GMCL1: variants seen among roughly 807,000 people sequenced by gnomAD.
GMCL1 encodes the protein germ cell-less protein-like 1.
A neutral mutation model predicts 75.5 loss-of-function variants in GMCL1; 54 were observed. The observed-to-expected ratio is 0.71, with a 90% CI of 0.57 to 0.90. The LOEUF is 0.90. GMCL1 is among the 40% of genes least tolerant of loss of function. The pLI is 0.00. For missense variants in GMCL1, 537 were observed against 622.7 expected, an observed-to-expected ratio of 0.86 and a Z score of 1.47; for synonymous variants, 210 against 209.6, an observed-to-expected ratio of 1.00 and a Z score of -0.02.
Position 69,864,919 on chromosome 2 carries a change from GA to G in GMCL1, c.1164del (p.Glu389AsnfsTer2). ...TTTTAGGCCTCAAGAAATCAATAAAGAAGAACTAGAGGGAAACAGCATGAGG... is the reference window on the plus strand; with the variant it reads ...TTTTAGGCCTCAAGAAATCAATAAAGAGAACTAGAGGGAAACAGCATGAGG... ...SEVGPQEINK[E>X]ELEGNSMRCG... On this transcript the variant is annotated frameshift_variant, in exon 11 of 14. Coordinates refer to ENST00000282570, the MANE Select transcript of GMCL1 (RefSeq NM_178439.5). LOFTEE classifies it high-confidence loss of function. 6.2e-7 allele frequency: 1 copy of G among 1,612,014 alleles called. No homozygotes were observed. Among genetic ancestry groups the G allele is most frequent in the South Asian group, 1.1e-5 (1 of 90,916 alleles).
At chr2:69,861,468 A>G (rs1247646554) in intron 10 of GMCL1, 121 bp downstream of exon 10, 3 of 562,636 alleles carry the variant, frequency 5.3e-6, no homozygotes, top group African/African-American at 1.9e-5. Context: ...AGTAAAGATC[A>G]TATAATCACT....
chr2:69,842,955 T>A (rs1675025527), intron 4 of GMCL1, 194 bp from the exon 5 acceptor site: 1 of 366,168 alleles, frequency 2.7e-6, no homozygotes. Context: ...GTTGAATACT[T>A]GCTGAACTTT....
chr2:69,850,852 C>T (rs186236091), intron 8 of GMCL1, among the ~76,000 whole-genome samples: 90 of 152,258 alleles, frequency 5.9e-4, no homozygotes, highest in African/African-American at 1.3e-3. Context: ...AGCAGCAACA[C>T]GCCACTGTAT....
chr2:69,841,634 C>G (rs370619129), intron 4 of GMCL1, among the ~76,000 whole-genome samples: 7 of 152,210 alleles, frequency 4.6e-5, no homozygotes, highest in African/African-American at 1.7e-4. Context: ...GGTTGATATA[C>G]AAACCCAAAG....
chr2:69,855,255 T>G (rs1675436770), intron 9 of GMCL1, among the ~76,000 whole-genome samples: 3 of 152,060 alleles, frequency 2.0e-5, no homozygotes, highest in African/African-American at 7.2e-5. Flanking sequence ...TGGATGAGAC[T>G]TTTTAAAATG....
At chr2:69,843,719 G>A (rs1675050600) in intron 5 of GMCL1, among the ~76,000 whole-genome samples, 1 of 152,144 alleles carries the variant, frequency 6.6e-6, no homozygotes, top group Non-Finnish European at 1.5e-5. Flanking sequence ...GAGCCCAGGA[G>A]GTTCAAGACT....
intron 1 of GMCL1, 59 bp downstream of exon 1, chr2:69,830,211 A>AG (rs1393041224): frequency 5.4e-5 from 82 of 1,508,558 alleles, no homozygotes; most frequent in Non-Finnish European, 7.0e-5. Flanking sequence ...CCTGGGGCCG[A>AG]GCCGGCGCCT....
chr2:69,879,128 A>C lies in GMCL1; in HGVS notation c.*124A>C, dbSNP rs1480985784. On this transcript the variant is annotated 3_prime_UTR_variant, in exon 14 of 14. Coordinates refer to ENST00000282570, the MANE Select transcript of GMCL1 (RefSeq NM_178439.5). ...CCTACTGATATTCACATCGAAGGTG[A>C]CTAACAATGACAAAGGCCTTATGAA... 1.4e-5 allele frequency: 9 copies of C among 632,578 alleles called. No homozygotes were observed. Among genetic ancestry groups the C allele is most frequent in the African/African-American group, 3.7e-5 (2 of 54,216 alleles). The allele number at this position is 632,578 out of a possible 1,614,324, so 39.2% of individuals were successfully genotyped here. A position where few individuals can be genotyped will look rare whatever the true frequency, so the allele number is the denominator to read the frequency against.
intron 2 of GMCL1, 99 bp downstream of exon 2, chr2:69,837,769 A>T: frequency 3.0e-6 from 4 of 1,346,742 alleles, no homozygotes; most frequent in Non-Finnish European, 4.1e-6. Flanking sequence ...CATGAACACC[A>T]TAGTGGTTAA....
chr2:69,844,062 C>G (rs1316262886), intron 5 of GMCL1, 69 bp from the exon 6 acceptor site: 2 of 689,732 alleles, frequency 2.9e-6, no homozygotes, highest in Non-Finnish European at 4.6e-6. Context: ...TTTATTTTAA[C>G]TATAAGTCCT....
At chr2:69,873,278 A>G (rs1439403589) in intron 13 of GMCL1, among the ~76,000 whole-genome samples, 11 of 152,236 alleles carry the variant, frequency 7.2e-5, no homozygotes, top group Admixed American at 6.5e-4. Flanking sequence ...AGAGTTCAGT[A>G]TAACTAGAGC....
intron 11 of GMCL1, among the ~76,000 whole-genome samples, chr2:69,869,333 G>A (rs964544723): frequency 4.1e-5 from 6 of 147,150 alleles, no homozygotes; most frequent in Non-Finnish European, 7.4e-5. Flanking sequence ...CAGGAGAATC[G>A]CTTGAACCCG....
At chr2:69,868,869 G>A (rs866119929) in intron 11 of GMCL1, among the ~76,000 whole-genome samples, 8 of 150,246 alleles carry the variant, frequency 5.3e-5, no homozygotes, top group Middle Eastern at 3.4e-3. Context: ...TAATCCCAGC[G>A]CTTTGGGAGG....
At position 69,830,817 on chromosome 2, in the gene GMCL1, G is replaced by A. The variant is rs1467937084; in HGVS notation, c.260+665G>A. On this transcript the variant is annotated intron_variant, in intron 1 of 13. Coordinates refer to ENST00000282570, the MANE Select transcript of GMCL1 (RefSeq NM_178439.5). ...AGATGGAATATTGACTTGTGACCTG[G>A]AATGTAGTTTATAGGTAGAATATAT... 2.0e-5 allele frequency among the ~76,000 whole-genome samples: 3 copies of A among 151,172 alleles called. No homozygotes were observed. The East Asian group carries it at 5.8e-4, about 29-fold the overall frequency.
At chr2:69,867,802 G>A (rs1675863474) in intron 11 of GMCL1, among the ~76,000 whole-genome samples, 1 of 152,156 alleles carries the variant, frequency 6.6e-6, no homozygotes, top group African/African-American at 2.4e-5. Flanking sequence ...CTTGAAGTAG[G>A]TTAGTGCTGC....
At chr2:69,844,232 C>A in intron 6 of GMCL1, 36 bp downstream of exon 6, 1 of 1,126,582 alleles carries the variant, frequency 8.9e-7, no homozygotes, top group Admixed American at 2.3e-5. Flanking sequence ...AATTAGTCAT[C>A]CTAAAATATT....
rs1675764171 is a variant in GMCL1, at chr2:69,864,901, C to T, written c.1144C>T (p.Pro382Ser). 2 of 1,601,644 alleles carry T rather than the reference C, an allele frequency of 1.2e-6. No homozygotes were observed. Among genetic ancestry groups the T allele is most frequent in the Non-Finnish European group, 8.5e-7 (1 of 1,169,816 alleles). The change falls in exon 11 of 14, where the codon CCT becomes TCT. Residue 382 changes from proline (P) to serine (S), a missense_variant and splice_region_variant. By Grantham distance (74) the Pro-to-Ser change is moderately conservative. This residue lies in a region of GMCL1 where 345 missense variants were observed against 410.5 expected (regional missense o/e 0.84). Coordinates refer to ENST00000282570, the MANE Select transcript of GMCL1 (RefSeq NM_178439.5). ...LRAEQDSEVGPQEINKEELEG... is the reference protein window; with the variant it reads ...LRAEQDSEVGSQEINKEELEG... ...TTCATATTTTATGTATATTTTTAGGCCTCAAGAAATCAATAAAGAAGAACT... is the reference window on the plus strand; with the variant it reads ...TTCATATTTTATGTATATTTTTAGGTCTCAAGAAATCAATAAAGAAGAACT...
chr2:69,833,102 C>A (rs1213309190), intron 1 of GMCL1, among the ~76,000 whole-genome samples: 2 of 152,108 alleles, frequency 1.3e-5, no homozygotes, highest in East Asian at 1.9e-4. Flanking sequence ...AGGATGCCAA[C>A]AAAATTATTT....
chr2:69,855,777 C>T (rs191592758), intron 9 of GMCL1, among the ~76,000 whole-genome samples: 1 of 152,204 alleles, frequency 6.6e-6, no homozygotes, highest in East Asian at 1.9e-4. Flanking sequence ...TTTTACATTG[C>T]TTATAGTATA....
Sources: allele counts gnomAD v4.1 joint callset (sites outside exome capture counted in the v4.1 genomes callset), GRCh38; gene constraint gnomAD v4.1.1; regional missense constraint gnomAD v4.1.1; transcripts MANE v1.5; gene names NCBI Gene and HGNC (gene_info 2026-07-23, HGNC 2026-07-21).